Variants in FAM184A observed in about 807,000 individuals in gnomAD.
The protein encoded by FAM184A is protein FAM184A.
Under a neutral mutation model 143.8 loss-of-function variants are expected in FAM184A, and 99 were observed. The ratio of observed to expected loss-of-function variants is 0.69; its 90% CI spans 0.58 to 0.81. The LOEUF (loss-of-function observed/expected upper bound fraction) is 0.81. Among genes scored for constraint, FAM184A ranks in the 40% least tolerant of loss-of-function variants. FAM184A has a pLI of 0.00. For synonymous variants in FAM184A, 427 were observed against 446.4 expected (o/e 0.96, Z 0.55); for missense variants, 1,217 against 1,310.5 (o/e 0.93, Z 1.10).
chr6:119,060,085 C>T (rs142653356), intron 1 of FAM184A, among the ~76,000 whole-genome samples: 13 of 152,280 alleles, frequency 8.5e-5, no homozygotes, highest in African/African-American at 3.1e-4. Flanking sequence ...TGTTTAGTCA[C>T]TTCGAGATTA....
rs373822533 is a variant in FAM184A, at chr6:119,126,577, G to A, written c.-202+22501C>T. Among the ~76,000 whole-genome samples the A allele has an allele frequency of 4.6e-5, 7 of 152,202 alleles. No individual in the cohort carries two copies. In the East Asian group the frequency reaches 7.7e-4, roughly 17 times the overall value. ...AGCAAAACTCTGTGCAGGCCCCATG[G>A]CAACATCTAGAGGGGGAGTACCTGT... On this transcript the variant is annotated intron_variant, in intron 1 of 16. Coordinates refer to the FAM184A transcript ENST00000352896.
At chr6:118,990,458 C>G (rs1348675659) in intron 9 of FAM184A, among the ~76,000 whole-genome samples, 2 of 152,194 alleles carry the variant, frequency 1.3e-5, no homozygotes, top group Non-Finnish European at 2.9e-5. Context: ...CAAGCTGTGA[C>G]CTCAAGTGAG....
chr6:118,993,683 A>G (rs181789524), intron 9 of FAM184A, among the ~76,000 whole-genome samples: 1 of 152,248 alleles, frequency 6.6e-6, no homozygotes, highest in Non-Finnish European at 1.5e-5. Context: ...TAATAGCAGA[A>G]AGAGAAAATT....
chr6:118,993,735 A>G (rs995568183), intron 9 of FAM184A, among the ~76,000 whole-genome samples: 3 of 152,264 alleles, frequency 2.0e-5, no homozygotes, highest in Non-Finnish European at 4.4e-5. Context: ...TCCGGAAAAT[A>G]TAAATCTGAA....
At chr6:119,056,845 A>G (rs2114758276) in intron 1 of FAM184A, among the ~76,000 whole-genome samples, 1 of 152,342 alleles carries the variant, frequency 6.6e-6, no homozygotes, top group East Asian at 1.9e-4. Flanking sequence ...ACCACTGTGT[A>G]CTAAAGATGT....
In FAM184A at chr6:119,078,255, G is replaced by C. The variant is rs1386969852; in HGVS notation, c.45C>G (p.Gly15=). The change falls in exon 1 of 18, where the codon GGC becomes GGG. Residue 15 remains glycine, a synonymous_variant. Transcript: ENST00000338891. This position sits in a 1 kb window ranked among gnomAD's most constrained non-coding sequence, Gnocchi z 5.5. ...GMSWQQHYYG[G]SAAKFAPSPA... ...GCGAGGGCGCGAATTTGGCCGCCGAGCCGCCGTAATAGTGCTGCTGCCAGC... is the reference window on the plus strand; with the variant it reads ...GCGAGGGCGCGAATTTGGCCGCCGACCCGCCGTAATAGTGCTGCTGCCAGC... The C allele has an allele frequency of 5.9e-6, 9 of 1,524,178 alleles. No homozygotes were observed. The Middle Eastern group carries it at 5.1e-4, about 87-fold the overall frequency. The allele number at this position is 1,524,178 out of a possible 1,614,324, so 94.4% of individuals were successfully genotyped here.
intron 1 of FAM184A, among the ~76,000 whole-genome samples, chr6:119,049,591 C>G (rs1460581606): frequency 6.6e-6 from 1 of 152,182 alleles, no homozygotes; most frequent in East Asian, 1.9e-4. Context: ...GGAAAACATT[C>G]CCTACTCAAT....
intron 1 of FAM184A, among the ~76,000 whole-genome samples, chr6:119,044,792 T>C (rs1452714538): frequency 1.3e-5 from 2 of 152,166 alleles, no homozygotes; most frequent in Non-Finnish European, 2.9e-5. Flanking sequence ...GCCAATACAC[T>C]GGGAACTGGG....
chr6:118,986,898 T>C (rs1039046917), intron 9 of FAM184A, among the ~76,000 whole-genome samples: 3 of 152,220 alleles, frequency 2.0e-5, no homozygotes. Flanking sequence ...TTTCTAAATA[T>C]AGCCTATTTC....
intron 1 of FAM184A, among the ~76,000 whole-genome samples, chr6:119,059,034 T>C (rs1425228799): frequency 1.3e-5 from 2 of 152,168 alleles, no homozygotes; most frequent in Admixed American, 1.3e-4. Flanking sequence ...CCTTGCTCTG[T>C]TGCCCAGGCT....
intron 1 of FAM184A, among the ~76,000 whole-genome samples, chr6:119,035,181 A>G (rs9387630): frequency 0.68 from 103,014 of 152,000 alleles, 36,488 homozygotes; most frequent in South Asian, 0.79. Flanking sequence ...CCCACTGTAA[A>G]CCAAAAATAA....
At chr6:119,134,209 C>T (rs946905516) in intron 1 of FAM184A, among the ~76,000 whole-genome samples, 3 of 151,692 alleles carry the variant, frequency 2.0e-5, no homozygotes, top group African/African-American at 7.3e-5. Context: ...CAAACTAATA[C>T]AAAAATGGGG....
chr6:119,097,051 A>G (rs1163666444), intron 1 of FAM184A, among the ~76,000 whole-genome samples: 2 of 152,164 alleles, frequency 1.3e-5, no homozygotes, highest in African/African-American at 4.8e-5. Flanking sequence ...TATGGGGGCC[A>G]GAAGAGGCAA....
At chr6:119,052,092 G>A (rs916930264) in intron 1 of FAM184A, among the ~76,000 whole-genome samples, 6 of 152,198 alleles carry the variant, frequency 3.9e-5, no homozygotes, top group African/African-American at 1.4e-4. Context: ...GTCAGTCCTT[G>A]AATGGACCTA....
intron 14 of FAM184A, among the ~76,000 whole-genome samples, chr6:118,971,465 T>A (rs941153132): frequency 1.8e-4 from 28 of 152,282 alleles, no homozygotes; most frequent in South Asian, 8.3e-4. Flanking sequence ...TTTTGCATAT[T>A]AAAAATCGGC....
At chr6:119,005,039 T>C (rs1448382038) in intron 7 of FAM184A, among the ~76,000 whole-genome samples, 1 of 152,222 alleles carries the variant, frequency 6.6e-6, no homozygotes, top group Non-Finnish European at 1.5e-5. Context: ...ATATTTGTAT[T>C]ACCTTAAAAT....
At chr6:118,960,869 C>G in intron 17 of FAM184A, 1 of 1,337,354 alleles carries the variant, frequency 7.5e-7, no homozygotes, top group South Asian at 1.2e-5. Context: ...GATACCTGAA[C>G]ATACCCATGC....
At chr6:119,009,366 C>A (rs1054652010) in intron 6 of FAM184A, among the ~76,000 whole-genome samples, 2 of 151,990 alleles carry the variant, frequency 1.3e-5, no homozygotes, top group East Asian at 1.9e-4. Flanking sequence ...GTCTTTCCTG[C>A]GCTGTTCTTG....
intron 14 of FAM184A, among the ~76,000 whole-genome samples, chr6:118,969,259 T>C (rs1335783439): frequency 6.6e-6 from 1 of 152,172 alleles, no homozygotes; most frequent in Non-Finnish European, 1.5e-5. Flanking sequence ...CCTTTATAAA[T>C]TACCCAGTCT....
Sources: allele counts gnomAD v4.1 joint callset (sites outside exome capture counted in the v4.1 genomes callset), GRCh38; gene constraint gnomAD v4.1.1; non-coding constraint Gnocchi (gnomAD v3.1); transcripts MANE v1.5; gene names NCBI Gene and HGNC (gene_info 2026-07-23, HGNC 2026-07-21).